The following KAZN variants were observed in gnomAD, a reference collection of about 807,000 sequenced individuals.
KAZN encodes the protein kazrin, periplakin interacting protein.
A neutral mutation model predicts 87.4 loss-of-function variants in KAZN; 40 were observed. The observed-to-expected ratio is 0.46, with a 90% CI of 0.36 to 0.60. The LOEUF (loss-of-function observed/expected upper bound fraction) is 0.60, where lower values mean the gene tolerates loss of function less well. KAZN is among the 20% of genes least tolerant of loss of function. The pLI is 0.00. For missense variants in KAZN, 898 were observed against 1,073.9 expected (o/e 0.84, Z 2.29); for synonymous variants, 466 against 458.3 (o/e 1.02, Z -0.22).
At chr1:14,156,012 C>T (rs867381717) in intron 1 of KAZN, among the ~76,000 whole-genome samples, 10 of 152,032 alleles carry the variant, frequency 6.6e-5, no homozygotes, top group African/African-American at 1.9e-4. Context: ...TTTACTGTGT[C>T]CCATAGGTTC....
chr1:14,550,706 TCTC>T (rs1673446410), intron 2 of KAZN, among the ~76,000 whole-genome samples: 4 of 6,480 alleles, frequency 6.2e-4, no homozygotes, highest in Non-Finnish European at 4.5e-3. Flanking sequence ...TCCTCTTTTC[TCTC>T]TCTCTCTCTC....
chr1:14,092,434 A>G (rs1489670051), intron 1 of KAZN, among the ~76,000 whole-genome samples: 2 of 150,116 alleles, frequency 1.3e-5, no homozygotes, highest in Non-Finnish European at 3.0e-5. Context: ...GGTATAATAT[A>G]TAACAGTAAT....
chr1:14,966,025 G>T lies in KAZN; in HGVS notation c.418+5150G>T, dbSNP rs111765998. ...GAGATAGTTTCACTGTGTCACCCAG[G>T]CTTGAGTGCAGGGGCGTGACCTCGG... On this transcript the variant is annotated intron_variant, in intron 2 of 14. Coordinates refer to ENST00000376030, the MANE Select transcript of KAZN (RefSeq NM_201628.3). 5.3e-3 allele frequency among the ~76,000 whole-genome samples: 769 copies of T among 144,286 alleles called. 5 individuals are homozygous for T. The highest frequency in any genetic ancestry group is 0.013 in the South Asian group (61 of 4,650). The allele number at this position is 144,286 out of a possible 152,430, so 94.7% of individuals were successfully genotyped here. A position where few individuals can be genotyped will look rare whatever the true frequency, so the allele number is the denominator to read the frequency against.
intron 10 of KAZN, among the ~76,000 whole-genome samples, chr1:15,100,127 G>C (rs935852365): frequency 6.6e-6 from 1 of 152,170 alleles, no homozygotes; most frequent in Non-Finnish European, 1.5e-5. Flanking sequence ...GAATTTGGGA[G>C]CCCTCCCTCA....
At chr1:14,921,153 A>AACACACACACACACAC (rs55766387) in intron 1 of KAZN, among the ~76,000 whole-genome samples, 275 of 144,496 alleles carry the variant, frequency 1.9e-3, no homozygotes, top group African/African-American at 5.1e-3. Context: ...CTGAGCATGC[A>AACACACACACACACAC]ACACACACAC....
At chr1:14,963,636 T>C (rs764054088) in intron 2 of KAZN, among the ~76,000 whole-genome samples, 5 of 152,220 alleles carry the variant, frequency 3.3e-5, no homozygotes. Flanking sequence ...GTTTACTTTT[T>C]TATTTTCCTC....
intron 1 of KAZN, among the ~76,000 whole-genome samples, chr1:13,983,446 G>A (rs1046990938): frequency 1.1e-4 from 17 of 152,248 alleles, no homozygotes; most frequent in African/African-American, 3.4e-4. Flanking sequence ...AGGGCCGGCC[G>A]GCTGCTCTGA....
At chr1:14,712,964 T>C (rs1228702748) in intron 1 of KAZN, among the ~76,000 whole-genome samples, 9 of 152,166 alleles carry the variant, frequency 5.9e-5, no homozygotes, top group African/African-American at 2.2e-4. Flanking sequence ...TGCTCATGTA[T>C]CAGTTGTTTT....
intron 1 of KAZN, among the ~76,000 whole-genome samples, chr1:13,963,851 T>C (rs1347106296): frequency 6.6e-6 from 1 of 151,688 alleles, no homozygotes; most frequent in Non-Finnish European, 1.5e-5. Flanking sequence ...ATAATAGGCT[T>C]TGGAGTTAGA....
intron 1 of KAZN, among the ~76,000 whole-genome samples, chr1:14,061,401 G>C (rs1642788053): frequency 6.6e-6 from 1 of 152,194 alleles, no homozygotes; most frequent in Non-Finnish European, 1.5e-5. Context: ...CAAGACACAA[G>C]AAGGGGTAGA....
At chr1:14,274,938 A>G (rs1652232655) in intron 2 of KAZN, among the ~76,000 whole-genome samples, 2 of 151,974 alleles carry the variant, frequency 1.3e-5, no homozygotes, top group East Asian at 1.9e-4. Flanking sequence ...GATTCAGCAG[A>G]GAAAAGTTAG....
chr1:14,167,844 T>C (rs1645865986), intron 1 of KAZN, among the ~76,000 whole-genome samples: 1 of 152,002 alleles, frequency 6.6e-6, no homozygotes, highest in African/African-American at 2.4e-5. Context: ...AACAGTGGCA[T>C]AGGAGGAAAA....
chr1:14,713,211 G>A (rs1460981064), intron 1 of KAZN, among the ~76,000 whole-genome samples: 3 of 151,208 alleles, frequency 2.0e-5, no homozygotes, highest in Non-Finnish European at 2.9e-5. Flanking sequence ...TGATCCTGAG[G>A]TGCAAGAGAG....
intron 3 of KAZN, among the ~76,000 whole-genome samples, chr1:15,042,631 T>C (rs570130916): frequency 6.6e-6 from 1 of 152,302 alleles, no homozygotes; most frequent in African/African-American, 2.4e-5. Flanking sequence ...GAGGCAGGGA[T>C]GACTCACAGC....
At chr1:14,458,968 T>C (rs2486766) in intron 2 of KAZN, among the ~76,000 whole-genome samples, 9,381 of 152,154 alleles carry the variant, frequency 0.062, 645 homozygotes, top group African/African-American at 0.17. Context: ...TGAAAAAATC[T>C]CAACTTGAAG....
chr1:14,367,909 T>A (rs1660148385), intron 2 of KAZN, among the ~76,000 whole-genome samples: 1 of 152,182 alleles, frequency 6.6e-6, no homozygotes, highest in African/African-American at 2.4e-5. Flanking sequence ...TATCTGAACC[T>A]TGACCCCTTT....
In KAZN at chr1:14,387,507, CTGTT is replaced by C. The variant is rs370809312; in HGVS notation, c.249+206920_249+206923del. ...TGGGTTTTTGGTGTGGATGTCCTTT[CTGTT>C]TGTTAGTTTTCCTTCTAACAGACAG... On this transcript the variant is annotated intron_variant, in intron 2 of 16. Transcript: ENST00000636203. Among the ~76,000 whole-genome samples, 264 of 152,070 alleles carry C rather than the reference CTGTT, an allele frequency of 1.7e-3. No homozygotes were observed. In the South Asian group the frequency reaches 0.02, roughly 11 times the overall value.
At chr1:14,941,649 G>A (rs58368357) in intron 1 of KAZN, among the ~76,000 whole-genome samples, 330 of 152,264 alleles carry the variant, frequency 2.2e-3, no homozygotes, top group African/African-American at 7.3e-3. Context: ...TGCGAATTTC[G>A]AAGATGTATA....
intron 2 of KAZN, among the ~76,000 whole-genome samples, chr1:14,427,311 C>T (rs1190392215): frequency 6.6e-6 from 1 of 152,168 alleles, no homozygotes; most frequent in Admixed American, 6.5e-5. Context: ...TCAGTTTTCT[C>T]ATCTGTAAAC....
Sources: gnomAD v4.1 joint callset for allele counts (sites outside exome capture counted in the v4.1 genomes callset) on GRCh38, gnomAD v4.1.1 for gene constraint, MANE v1.5 for transcripts, NCBI Gene and HGNC (gene_info 2026-07-23, HGNC 2026-07-21) for gene names.